Variants in UBE3B observed in about 807,000 individuals in gnomAD.
UBE3B encodes ubiquitin-protein ligase E3B.
A neutral mutation model predicts 132.3 loss-of-function variants in UBE3B; 80 were observed. The observed-to-expected ratio is 0.60, with a 90% confidence interval of 0.50 to 0.73. The LOEUF is 0.73. Ranked by LOEUF, UBE3B falls within the 30% of genes least tolerant of loss-of-function variation. UBE3B has a pLI of 0.00. For missense variants in UBE3B, 1,196 were observed against 1,362.5 expected (o/e 0.88, Z 1.92); for synonymous variants, 487 against 520.4 (o/e 0.94, Z 0.87).
intron 10 of UBE3B, 68 bp downstream of exon 10, chr12:109,497,991 A>C (rs921967840): frequency 3.2e-6 from 5 of 1,542,108 alleles, no homozygotes; most frequent in Non-Finnish European, 1.8e-6. Flanking sequence ...AAACATTAGA[A>C]AGTAAAATGG....
intron 26 of UBE3B, 51 bp from the exon 27 acceptor site, chr12:109,533,414 CT>C: frequency 6.6e-7 from 1 of 1,520,266 alleles, no homozygotes; most frequent in Non-Finnish European, 9.1e-7. Context: ...AGGGCCCGTC[CT>C]GGAAGAGCAG....
At chr12:109,487,494 C>T (rs1003990497) in intron 6 of UBE3B, among the ~76,000 whole-genome samples, 2 of 152,228 alleles carry the variant, frequency 1.3e-5, no homozygotes. Context: ...TCTTGCCATG[C>T]CTGGCTTGTC....
chr12:109,502,909 A>T (rs1337421203), intron 13 of UBE3B, 114 bp from the exon 14 acceptor site: 2 of 1,302,928 alleles, frequency 1.5e-6, no homozygotes, highest in African/African-American at 3.0e-5. Context: ...GAGTTGCCCC[A>T]CTGTCTGGCC....
At position 109,486,077 on chromosome 12, in the gene UBE3B, T is replaced by C. The variant is rs1408104906; in HGVS notation, c.342+6T>C. 3 of 1,557,326 alleles carry C rather than the reference T, an allele frequency of 1.9e-6. No homozygotes were observed. Among genetic ancestry groups the C allele is most frequent in the Non-Finnish European group, 2.6e-6 (3 of 1,150,194 alleles). ...ATGCTGAGAATGAGCCTAAGGTAAG[T>C]GGACGGGAGCCGCAGTGTCTCCCAC... On this transcript the variant is annotated splice_donor_region_variant and intron_variant, in intron 5 of 27. Coordinates refer to ENST00000342494, the MANE Select transcript of UBE3B (RefSeq NM_130466.4).
chr12:109,502,346 A>G (rs1217765038), intron 13 of UBE3B, among the ~76,000 whole-genome samples: 3 of 152,208 alleles, frequency 2.0e-5, no homozygotes, highest in Non-Finnish European at 4.4e-5. Context: ...TGGCTTTCCT[A>G]TCGCAGGGTC....
At chr12:109,502,963 A>C in intron 13 of UBE3B, 60 bp from the exon 14 acceptor site, 1 of 1,604,304 alleles carries the variant, frequency 6.2e-7, no homozygotes, top group South Asian at 1.1e-5. Context: ...TTCCTTTTCC[A>C]GGGTGGGATT....
At chr12:109,503,672 T>G (rs1272924578) in intron 14 of UBE3B, among the ~76,000 whole-genome samples, 1 of 152,246 alleles carries the variant, frequency 6.6e-6, no homozygotes, top group African/African-American at 2.4e-5. Flanking sequence ...ATTGGCTACA[T>G]AGTATCTCAT....
intron 16 of UBE3B, among the ~76,000 whole-genome samples, chr12:109,510,012 G>A (rs943568516): frequency 3.3e-5 from 5 of 152,092 alleles, no homozygotes; most frequent in South Asian, 2.1e-4. Flanking sequence ...TTTGATTTCC[G>A]TGAAGATAAA....
At chr12:109,519,153 CT>C (rs1285205037) in intron 19 of UBE3B, among the ~76,000 whole-genome samples, 1 of 152,200 alleles carries the variant, frequency 6.6e-6, no homozygotes, top group South Asian at 2.1e-4. Context: ...GTCCTTTCCC[CT>C]GTCTCTGTCA....
At chr12:109,528,300 C>G in intron 24 of UBE3B, 1 of 983,116 alleles carries the variant, frequency 1.0e-6, no homozygotes, top group Non-Finnish European at 1.2e-6. Context: ...CTCTCACCTC[C>G]TCCCTTCCTC....
intron 18 of UBE3B, among the ~76,000 whole-genome samples, chr12:109,514,980 C>T (rs1880831961): frequency 1.3e-5 from 2 of 151,234 alleles, no homozygotes; most frequent in Admixed American, 6.6e-5. Context: ...GTGGCGCGAT[C>T]TCAGCTCACT....
chr12:109,527,459 C>T (rs929700422), intron 24 of UBE3B, among the ~76,000 whole-genome samples: 2 of 152,196 alleles, frequency 1.3e-5, no homozygotes, highest in Admixed American at 6.5e-5. Flanking sequence ...AGGGCTCAGT[C>T]CCACCTGGTG....
intron 24 of UBE3B, among the ~76,000 whole-genome samples, chr12:109,527,483 A>G (rs538647225): frequency 1.4e-3 from 206 of 152,344 alleles, no homozygotes; most frequent in African/African-American, 4.8e-3. Context: ...CATTTGAATC[A>G]GATGCACGTC....
At chr12:109,507,288 A>G (rs566058920) in intron 14 of UBE3B, among the ~76,000 whole-genome samples, 1 of 152,322 alleles carries the variant, frequency 6.6e-6, no homozygotes, top group African/African-American at 2.4e-5. Flanking sequence ...CCTGTATAAG[A>G]TGGGGATAAC....
rs200878507 is a variant in UBE3B, at chr12:109,524,082, C to T, written c.2469C>T (p.Asp823=). 9.9e-6 allele frequency: 16 copies of T among 1,614,210 alleles called. No homozygotes were observed. The Admixed American group carries it at 1.8e-4, about 18-fold the overall frequency. The change falls in exon 22 of 28, where the codon GAC becomes GAT. Residue 823 remains aspartate (D), a synonymous_variant. Transcript: ENST00000342494. ...CGGTGGATGAACTGCCTTCTCTGGA[C>T]TCCGAGTTCTATAAAAACCTCACCT... The part of the protein sequence containing the change: ...YSSVDELPSL[D]SEFYKNLTSI...
At position 109,534,076 on chromosome 12, in the gene UBE3B, C is replaced by T; in HGVS notation, c.3016-515C>T. ...GGGTGCTCAAATGAGAGTCCTACTC[C>T]CCATAAAAACCCAGTGGCCGCCTCT... On this transcript the variant is annotated intron_variant, in intron 27 of 27. Coordinates refer to ENST00000342494, the MANE Select transcript of UBE3B (RefSeq NM_130466.4). This position sits in a 1 kb window ranked among gnomAD's most constrained non-coding sequence, Gnocchi z 5.2. The T allele has an allele frequency of 2.3e-6, 3 of 1,294,328 alleles. 1 individual carries two copies. In the South Asian group the frequency reaches 3.7e-5, roughly 16 times the overall value. 80.2% of individuals were successfully genotyped at this position (1,294,328 alleles called of 1,614,324 possible). A position where few individuals can be genotyped will look rare whatever the true frequency, so the allele number is the denominator to read the frequency against.
At chr12:109,544,252 C>T in the UBE3B span, among the ~76,000 whole-genome samples, 1 of 152,132 alleles carries the variant, frequency 6.6e-6, no homozygotes, top group Non-Finnish European at 1.5e-5. Flanking sequence ...ACGGACATTG[C>T]CCAGCCCACG....
At chr12:109,540,137 T>C (rs1201924680), downstream of UBE3B, among the ~76,000 whole-genome samples, 2 of 152,174 alleles carry the variant, frequency 1.3e-5, no homozygotes. Context: ...TTCTGCTCCT[T>C]GGCTGCCCCA....
At position 109,503,102 on chromosome 12, in the gene UBE3B, T is replaced by C; in HGVS notation, c.1362T>C (p.Ser454=). The C allele has an allele frequency of 6.2e-7, 1 of 1,614,216 alleles. No homozygotes were observed. Among genetic ancestry groups the C allele is most frequent in the Admixed American group, 1.7e-5 (1 of 60,022 alleles). ...CTGTCGGGGGTAAACGGGTCGACTC[T>C]GCAGAAGTCCAGAAGGTTTGCAACA... ...LRPVGGKRVD[S]AEVQKVCNIC... Residue 454 remains serine, a synonymous_variant, in exon 14 of 28, where the codon TCT becomes TCC. Coordinates refer to ENST00000342494, the MANE Select transcript of UBE3B (RefSeq NM_130466.4).
Sources: allele counts gnomAD v4.1 joint callset (sites outside exome capture counted in the v4.1 genomes callset), GRCh38; gene constraint gnomAD v4.1.1; non-coding constraint Gnocchi (gnomAD v3.1); transcripts MANE v1.5; gene names NCBI Gene and HGNC (gene_info 2026-07-23, HGNC 2026-07-21).